The following GAB2 variants were observed in gnomAD, a reference collection of about 807,000 sequenced individuals.
GAB2 encodes the protein GRB2-associated-binding protein 2.
Under a neutral mutation model 65.5 loss-of-function variants are expected in GAB2, and 26 were observed. The ratio of observed to expected loss-of-function variants is 0.40; its 90% confidence interval spans 0.29 to 0.55. GAB2 has a LOEUF of 0.55. GAB2 is among the 20% of genes least tolerant of loss of function. GAB2 has a pLI of 0.53. For missense variants in GAB2, 884 were observed against 875.8 expected, an observed-to-expected ratio of 1.01 and a Z score of -0.12; for synonymous variants, 321 against 329.6, an observed-to-expected ratio of 0.97 and a Z score of 0.28.
intron 1 of GAB2, among the ~76,000 whole-genome samples, chr11:78,412,050 A>T (rs908558398): frequency 5.9e-5 from 9 of 151,718 alleles, no homozygotes; most frequent in African/African-American, 2.2e-4. Context: ...CAACAACAAC[A>T]ACAACAACAA....
intron 2 of GAB2, among the ~76,000 whole-genome samples, chr11:78,261,342 A>G (rs1865726020): frequency 6.6e-6 from 1 of 152,182 alleles, no homozygotes; most frequent in Non-Finnish European, 1.5e-5. Context: ...ATCTTCAATA[A>G]ACACACTAGA....
intron 1 of GAB2, among the ~76,000 whole-genome samples, chr11:78,344,465 T>C (rs551006694): frequency 1.3e-5 from 2 of 152,334 alleles, no homozygotes; most frequent in East Asian, 3.9e-4. Context: ...GGAAAGAGAA[T>C]CTATTTGATC....
intron 1 of GAB2, among the ~76,000 whole-genome samples, chr11:78,358,442 A>T (rs557627110): frequency 1.6e-5 from 2 of 126,740 alleles, no homozygotes; most frequent in African/African-American, 7.1e-5. Flanking sequence ...CTTAAAATAT[A>T]ATAATAATAA....
chr11:78,232,912 G>A (rs1440357387), intron 3 of GAB2, among the ~76,000 whole-genome samples: 1 of 152,166 alleles, frequency 6.6e-6, no homozygotes, highest in Non-Finnish European at 1.5e-5. Flanking sequence ...GGTACCTAAT[G>A]TAAAAGTGCT....
chr11:78,360,189 G>C (rs376158411), intron 1 of GAB2, among the ~76,000 whole-genome samples: 2 of 152,038 alleles, frequency 1.3e-5, no homozygotes, highest in South Asian at 4.1e-4. Flanking sequence ...GTAACACCTG[G>C]ATTTATTCTC....
chr11:78,341,737 ACT>A lies in GAB2; in HGVS notation c.76-60838_76-60837del, dbSNP rs1269583464. 3.0e-6 allele frequency: 3 copies of A among 984,514 alleles called. No individual in the cohort carries two copies. In the African/African-American group the frequency reaches 5.2e-5, roughly 17 times the overall value. 61.0% of individuals were successfully genotyped at this position (984,514 alleles called of 1,614,324 possible). A position where few individuals can be genotyped will look rare whatever the true frequency, so the allele number is the denominator to read the frequency against. ...AACCTGCTAGGTACTTGCCCGCCAT[ACT>A]CTTTGTTTCCCAAAACTCACCTTTT... On this transcript the variant is annotated intron_variant, in intron 1 of 9. Transcript: ENST00000361507.
chr11:78,277,514 T>C (rs910816736), intron 2 of GAB2, among the ~76,000 whole-genome samples: 2 of 152,230 alleles, frequency 1.3e-5, no homozygotes, highest in African/African-American at 2.4e-5. Context: ...AGCTTTCTGA[T>C]ACCATCTCAG....
chr11:78,385,970 A>G (rs1321666347), intron 1 of GAB2, among the ~76,000 whole-genome samples: 1 of 152,222 alleles, frequency 6.6e-6, no homozygotes, highest in East Asian at 1.9e-4. Context: ...GCTATGAGAT[A>G]TCTTTACCTG....
intron 1 of GAB2, among the ~76,000 whole-genome samples, chr11:78,293,056 T>C (rs1331045121): frequency 2.6e-5 from 4 of 152,220 alleles, no homozygotes; most frequent in Non-Finnish European, 5.9e-5. Flanking sequence ...ACAGAGTTTA[T>C]GAATTCAAGT....
At chr11:78,388,948 T>C (rs990045938) in intron 1 of GAB2, among the ~76,000 whole-genome samples, 2 of 152,202 alleles carry the variant, frequency 1.3e-5, no homozygotes, top group Admixed American at 1.3e-4. Context: ...TAGGGATGTA[T>C]TGGTCAGAAA....
Position 78,226,660 on chromosome 11 carries a change from C to T in GAB2, c.1012G>A (p.Ala338Thr), listed in dbSNP as rs1290335112. ...TCCCCAGGAGTGGCCACTGTCATGGCATTGTGGTTTTTGTCCAGAGTGAAT... is the reference window on the plus strand; with the variant it reads ...TCCCCAGGAGTGGCCACTGTCATGGTATTGTGGTTTTTGTCCAGAGTGAAT... The part of the protein sequence containing the change: ...RTFTLDKNHN[A>T]MTVATPGDSA... The change falls in exon 4 of 10, where the codon GCC (alanine) becomes ACC (threonine). Residue 338 changes from alanine (A) to threonine (T), a missense_variant. By Grantham distance (58) the Ala-to-Thr change is moderately conservative. Coordinates refer to ENST00000361507, the MANE Select transcript of GAB2 (RefSeq NM_080491.3). 9.3e-6 allele frequency: 15 copies of T among 1,613,862 alleles called. No individual in the cohort carries two copies. Among genetic ancestry groups the T allele is most frequent in the Non-Finnish European group, 1.2e-5 (14 of 1,179,964 alleles).
chr11:78,254,138 A>C (rs552661976), intron 2 of GAB2, among the ~76,000 whole-genome samples: 11 of 152,160 alleles, frequency 7.2e-5, no homozygotes, highest in Non-Finnish European at 1.5e-4. Context: ...CTTATTTACA[A>C]ATCAACATAG....
At chr11:78,335,060 T>G (rs1855975773) in intron 1 of GAB2, among the ~76,000 whole-genome samples, 1 of 152,246 alleles carries the variant, frequency 6.6e-6, no homozygotes, top group Admixed American at 6.5e-5. Context: ...AAATGTCTAT[T>G]CAAATCTTTG....
chr11:78,372,632 C>A (rs1723480416), intron 1 of GAB2, among the ~76,000 whole-genome samples: 1 of 151,978 alleles, frequency 6.6e-6, no homozygotes, highest in African/African-American at 2.4e-5. Flanking sequence ...CTGAATAAAC[C>A]CCAGCAATCT....
intron 1 of GAB2, among the ~76,000 whole-genome samples, chr11:78,303,483 T>C (rs1276164751): frequency 1.3e-5 from 2 of 152,228 alleles, no homozygotes; most frequent in Non-Finnish European, 2.9e-5. Context: ...ATCAAATACA[T>C]GTAGGCCTAT....
At position 78,387,430 on chromosome 11, in the gene GAB2, C is replaced by G. The variant is rs1856782380; in HGVS notation, c.75+30216G>C. Reference sequence around the variant, plus strand: ...CAAGCTAAACTGACCATCACGTTATCAAGTTCTCATCAAGTTTATATTACC... The same window carrying G: ...CAAGCTAAACTGACCATCACGTTATGAAGTTCTCATCAAGTTTATATTACC... On this transcript the variant is annotated intron_variant, in intron 1 of 9. Coordinates refer to ENST00000361507, the MANE Select transcript of GAB2 (RefSeq NM_080491.3). Among the ~76,000 whole-genome samples the G allele has an allele frequency of 2.0e-5, 3 of 152,290 alleles. No individual in the cohort carries two copies. The East Asian group carries it at 5.8e-4, about 29-fold the overall frequency.
intron 1 of GAB2, among the ~76,000 whole-genome samples, chr11:78,289,974 C>G (rs1866611042): frequency 1.3e-5 from 2 of 151,908 alleles, no homozygotes; most frequent in South Asian, 4.2e-4. Context: ...TCCTGAAAAG[C>G]CTTGAATGCC....
chr11:78,347,857 G>A (rs1856214976), intron 1 of GAB2, among the ~76,000 whole-genome samples: 1 of 152,132 alleles, frequency 6.6e-6, no homozygotes, highest in African/African-American at 2.4e-5. Context: ...GTTGAACCTT[G>A]AACAACATGG....
chr11:78,301,834 A>G (rs1466954654), intron 1 of GAB2, among the ~76,000 whole-genome samples: 1 of 152,238 alleles, frequency 6.6e-6, no homozygotes, highest in Non-Finnish European at 1.5e-5. Context: ...GTACTGGTAT[A>G]AAAACAGGCA....
Sources: gnomAD v4.1 joint callset for allele counts (sites outside exome capture counted in the v4.1 genomes callset) on GRCh38, gnomAD v4.1.1 for gene constraint, MANE v1.5 for transcripts, NCBI Gene and HGNC (gene_info 2026-07-23, HGNC 2026-07-21) for gene names.